The following SRSF12 variants were observed in gnomAD, a reference collection of about 807,000 sequenced individuals.
SRSF12 encodes the protein serine/arginine-rich splicing factor 12.
A neutral mutation model predicts 34.1 loss-of-function variants in SRSF12; 21 were observed. The ratio of observed to expected loss-of-function variants is 0.62; its 90% CI spans 0.44 to 0.89. SRSF12 has a LOEUF of 0.89. SRSF12 is among the 40% of genes least tolerant of loss of function. The pLI, the probability that SRSF12 is intolerant of heterozygous loss-of-function variation, is 0.00. For missense variants in SRSF12, 278 were observed against 327.8 expected (o/e 0.85, Z 1.17); for synonymous variants, 111 against 110.8 (o/e 1.00, Z -0.01).
At chr6:89,105,568 C>G in intron 2 of SRSF12, 38 bp from the exon 3 acceptor site, 2 of 1,392,200 alleles carry the variant, frequency 1.4e-6, no homozygotes, top group Non-Finnish European at 2.0e-6. Flanking sequence ...CATGAGATAT[C>G]AAGTAAACAT....
Position 89,107,252 on chromosome 6 carries a change from C to T in SRSF12, c.72G>A (p.Glu24=). 1 of 1,613,790 alleles carries T rather than the reference C, an allele frequency of 6.2e-7. No homozygotes were observed. Among genetic ancestry groups the T allele is most frequent in the Non-Finnish European group, 8.5e-7 (1 of 1,179,882 alleles). The change falls in exon 2 of 5, where the codon GAG becomes GAA. Residue 24 remains glutamate, a synonymous_variant. Transcript: ENST00000452027. ...IRNVADATRP[E]DLRREFGRYG... is the part of the protein sequence containing the mutation. ...ATCGACCAAACTCACGGCGCAAGTC[C>T]TCAGGCCTGAAGTGTTTTAGAAATA...
chr6:89,115,258 C>A (rs1321228304), intron 1 of SRSF12, among the ~76,000 whole-genome samples: 1 of 151,828 alleles, frequency 6.6e-6, no homozygotes, highest in Non-Finnish European at 1.5e-5. Flanking sequence ...GTGTCATACA[C>A]CAGGCTACAT....
intron 1 of SRSF12, among the ~76,000 whole-genome samples, chr6:89,116,919 C>T (rs1317691232): frequency 1.3e-5 from 2 of 152,116 alleles, no homozygotes; most frequent in Non-Finnish European, 2.9e-5. Context: ...ATCATTAAAA[C>T]TCTTAGTTTC....
chr6:89,115,585 TA>T (rs1769251948), intron 1 of SRSF12, among the ~76,000 whole-genome samples: 1 of 149,720 alleles, frequency 6.7e-6, no homozygotes, highest in Non-Finnish European at 1.5e-5. Context: ...CCCAGCCTTA[TA>T]TTTTACAGCT....
intron 1 of SRSF12, among the ~76,000 whole-genome samples, chr6:89,116,529 C>T (rs1269140085): frequency 6.6e-6 from 1 of 152,102 alleles, no homozygotes; most frequent in Non-Finnish European, 1.5e-5. Flanking sequence ...AATCTCAGCG[C>T]TTTGGGAGGC....
At chr6:89,099,410 A>ATACACATATGTG (rs1768407266) in intron 4 of SRSF12, among the ~76,000 whole-genome samples, 2 of 91,124 alleles carry the variant, frequency 2.2e-5, no homozygotes, top group African/African-American at 7.9e-5. Context: ...CTCCATATAT[A>ATACACATATGTG]TATACATATA....
At chr6:89,117,700 T>G in intron 1 of SRSF12, 123 bp downstream of exon 1, 5 of 993,962 alleles carry the variant, frequency 5.0e-6, no homozygotes, top group Admixed American at 4.3e-5. Flanking sequence ...TGGCGCAGCC[T>G]GGGCCCGCGG....
chr6:89,096,289 A>G lies in SRSF12; in HGVS notation c.*2289T>C, dbSNP rs1034822929. 8 of 152,212 alleles carry G rather than the reference A, an allele frequency of 5.3e-5. No homozygotes were observed. The highest frequency in any genetic ancestry group is 1.9e-4 in the African/African-American group (8 of 41,456). 9.4% of individuals were successfully genotyped at this position (152,212 alleles called of 1,614,324 possible). On this transcript the variant is annotated 3_prime_UTR_variant, in exon 5 of 5. Transcript: ENST00000452027. ...CAGTCACTCCACAGATCCAAAGTTTATGGCTGTGTGCCCTTGTAACTTAGC... is the reference window on the plus strand; with the variant it reads ...CAGTCACTCCACAGATCCAAAGTTTGTGGCTGTGTGCCCTTGTAACTTAGC...
At chr6:89,106,513 T>C (rs140868626) in intron 2 of SRSF12, among the ~76,000 whole-genome samples, 6 of 152,360 alleles carry the variant, frequency 3.9e-5, no homozygotes, top group African/African-American at 1.4e-4. Flanking sequence ...AATATCCCAC[T>C]AAACTTCCTT....
At position 89,098,633 on chromosome 6, in the gene SRSF12, G is replaced by T; in HGVS notation, c.731C>A (p.Ser244Tyr). 6.2e-7 allele frequency: 1 copy of T among 1,613,834 alleles called. No individual in the cohort carries two copies. The highest frequency in any genetic ancestry group is 1.1e-5 in the South Asian group (1 of 91,046). The change falls in exon 5 of 5, where the codon TCT (serine) becomes TAT (tyrosine). Residue 244 changes from serine (S) to tyrosine (Y), a missense_variant. By Grantham distance (144) the Ser-to-Tyr change is moderately radical (BLOSUM62 -2). Coordinates refer to ENST00000452027, the MANE Select transcript of SRSF12 (RefSeq NM_080743.5). ...SETKVQTAKH[S>Y]HFRSHSRSRS... is the part of the protein sequence containing the mutation. ...AGATCTGGAATGTGACCGAAAATGA[G>T]AATGCTTTGCTGTTTGTACTTTAGT...
intron 1 of SRSF12, 95 bp from the exon 2 acceptor site, chr6:89,107,353 C>T (rs1020957426): frequency 2.3e-6 from 2 of 862,950 alleles, no homozygotes; most frequent in African/African-American, 1.7e-5. Context: ...AAAGAAAGAA[C>T]ATCATCTAGA....
At chr6:89,110,049 C>T (rs947099118) in intron 1 of SRSF12, among the ~76,000 whole-genome samples, 2 of 152,104 alleles carry the variant, frequency 1.3e-5, no homozygotes, top group East Asian at 3.9e-4. Context: ...CAAGATCATG[C>T]CACTGCACTC....
At chr6:89,107,502 T>C (rs9353648) in intron 1 of SRSF12, among the ~76,000 whole-genome samples, 109,411 of 151,984 alleles carry the variant, frequency 0.72, 39,480 homozygotes, top group East Asian at 0.84. Flanking sequence ...GACCAAGGTA[T>C]GTGGATCACT....
intron 4 of SRSF12, among the ~76,000 whole-genome samples, chr6:89,102,600 AG>A (rs1768587433): frequency 6.6e-6 from 1 of 152,222 alleles, no homozygotes; most frequent in African/African-American, 2.4e-5. Flanking sequence ...ACATAGTAAA[AG>A]AAGGACGCTA....
rs763004336 is a variant in SRSF12, at chr6:89,098,552, C to T, written c.*26G>A. 1.5e-5 allele frequency: 23 copies of T among 1,571,250 alleles called. No homozygotes were observed. The highest frequency in any genetic ancestry group is 1.7e-4 in the Middle Eastern group (1 of 5,876). ...AGAGTTTAATAACTTATATTAAAGACGGCGTGGTGCTCTTTCTGTTGCTGT... is the reference window on the plus strand; with the variant it reads ...AGAGTTTAATAACTTATATTAAAGATGGCGTGGTGCTCTTTCTGTTGCTGT... On this transcript the variant is annotated 3_prime_UTR_variant, in exon 5 of 5. Coordinates refer to ENST00000452027, the MANE Select transcript of SRSF12 (RefSeq NM_080743.5).
chr6:89,110,905 C>T (rs1289539970), intron 1 of SRSF12, among the ~76,000 whole-genome samples: 1 of 152,010 alleles, frequency 6.6e-6, no homozygotes, highest in Admixed American at 6.6e-5. Flanking sequence ...TACTTGAGCC[C>T]AGGAGTTCAA....
At position 89,104,969 on chromosome 6, in the gene SRSF12, T is replaced by C. The variant is rs376871423; in HGVS notation, c.416+150A>G. The C allele has an allele frequency of 9.5e-6, 6 of 632,610 alleles. 1 individual carries two copies. The East Asian group carries it at 1.6e-4, about 17-fold the overall frequency. The allele number at this position is 632,610 out of a possible 1,614,324, so 39.2% of individuals were successfully genotyped here. A position where few individuals can be genotyped will look rare whatever the true frequency, so the allele number is the denominator to read the frequency against. ...TACTTGGGAGGCTGAGGTGAGAAAA[T>C]TGCTTGAGTCTAGGAGGTCAAGTCT... On this transcript the variant is annotated intron_variant, in intron 4 of 4. Coordinates refer to ENST00000452027, the MANE Select transcript of SRSF12 (RefSeq NM_080743.5).
At chr6:89,104,718 T>C (rs998005235) in intron 4 of SRSF12, among the ~76,000 whole-genome samples, 1 of 152,146 alleles carries the variant, frequency 6.6e-6, no homozygotes, top group African/African-American at 2.4e-5. Flanking sequence ...TGTTTGTACA[T>C]TAAGCAAAAT....
At chr6:89,105,970 ACT>A (rs1233016112) in intron 2 of SRSF12, 1 of 152,204 alleles carries the variant, frequency 6.6e-6, no homozygotes, top group East Asian at 1.9e-4. Context: ...AATTAAAATT[ACT>A]CTTTCATTAA....
Sources: gnomAD v4.1 joint callset for allele counts (sites outside exome capture counted in the v4.1 genomes callset) on GRCh38, gnomAD v4.1.1 for gene constraint, MANE v1.5 for transcripts, NCBI Gene and HGNC (gene_info 2026-07-23, HGNC 2026-07-21) for gene names.